DCAF8L2: variants seen among roughly 807,000 people sequenced by gnomAD.
DCAF8L2 encodes the protein DDB1 and CUL4 associated factor 8 like 2.
For synonymous variants in DCAF8L2, 200 were observed against 190.9 expected (o/e 1.05, Z -0.39); for missense variants, 430 against 490.7 (o/e 0.88, Z 1.17).
the DCAF8L2 span, among the ~76,000 whole-genome samples, chrX:27,469,373 G>A: frequency 9.0e-6 from 1 of 111,598 alleles, no homozygotes; most frequent in Non-Finnish European, 1.9e-5. Flanking sequence ...TTACCCTATA[G>A]CCATGTTGTA....
chrX:27,663,864 ATTTTT>A (rs80069253), intron 2 of DCAF8L2, among the ~76,000 whole-genome samples: 1 of 68,988 alleles, frequency 1.4e-5, no homozygotes, highest in Non-Finnish European at 2.7e-5. Flanking sequence ...CACCTGGCTA[ATTTTT>A]TTTTTTTTTT....
the DCAF8L2 span, among the ~76,000 whole-genome samples, chrX:27,489,283 G>T: frequency 2.7e-5 from 3 of 111,015 alleles, no homozygotes; most frequent in Non-Finnish European, 1.9e-5. Flanking sequence ...AGTTTTAATA[G>T]AGACGGGGTT....
At chrX:27,680,290 G>A (rs1382292426) in intron 3 of DCAF8L2, among the ~76,000 whole-genome samples, 3 of 110,957 alleles carry the variant, frequency 2.7e-5, no homozygotes, top group Non-Finnish European at 5.7e-5. Flanking sequence ...CAAGTCCCAA[G>A]GTAATAAAAC....
At chrX:27,746,792 T>G in intron 4 of DCAF8L2, 46 bp from the exon 5 acceptor site, 1 of 758,141 alleles carries the variant, frequency 1.3e-6, no homozygotes, top group African/African-American at 2.1e-5. Flanking sequence ...CGCGCTTACT[T>G]CCTTCACTAC....
chrX:27,599,181 C>T (rs766620488), intron 1 of DCAF8L2, among the ~76,000 whole-genome samples: 23 of 110,615 alleles, frequency 2.1e-4, no homozygotes, highest in Admixed American at 4.9e-4. Flanking sequence ...AAATATTATT[C>T]GTCCTTTAAA....
chrX:27,503,640 C>T, the DCAF8L2 span, among the ~76,000 whole-genome samples: 61 of 110,085 alleles, frequency 5.5e-4, no homozygotes, highest in African/African-American at 2.0e-3. Flanking sequence ...CTGTTTTGTT[C>T]CATTATCTAT....
chrX:27,540,943 C>A, the DCAF8L2 span, among the ~76,000 whole-genome samples: 42 of 111,539 alleles, frequency 3.8e-4, no homozygotes, highest in African/African-American at 1.3e-3. Context: ...TAAAGAATAT[C>A]CAGGACTATG....
chrX:27,489,942 A>G, the DCAF8L2 span, among the ~76,000 whole-genome samples: 4 of 111,628 alleles, frequency 3.6e-5, no homozygotes, highest in Non-Finnish European at 7.5e-5. Flanking sequence ...CAGTGGCACA[A>G]TCATAGCTCA....
At chrX:27,621,805 C>A (rs190226184) in intron 1 of DCAF8L2, among the ~76,000 whole-genome samples, 1 of 110,152 alleles carries the variant, frequency 9.1e-6, no homozygotes, top group African/African-American at 3.3e-5. Flanking sequence ...CAAGCCTGGG[C>A]AACACAGTGA....
chrX:27,529,437 T>G, the DCAF8L2 span, among the ~76,000 whole-genome samples: 1 of 111,809 alleles, frequency 8.9e-6, no homozygotes, highest in Non-Finnish European at 1.9e-5. Flanking sequence ...CTAATGAACT[T>G]ACAGCCCCAA....
intron 2 of DCAF8L2, chrX:27,633,399 T>G (rs1418916294): frequency 8.9e-6 from 1 of 112,123 alleles, no homozygotes; most frequent in Non-Finnish European, 1.9e-5. Flanking sequence ...GAATGTATAT[T>G]CAAAGCAATT....
intron 3 of DCAF8L2, among the ~76,000 whole-genome samples, chrX:27,713,799 A>C (rs921681792): frequency 9.0e-6 from 1 of 111,418 alleles, no homozygotes; most frequent in African/African-American, 3.3e-5. Context: ...ATGAAACTTG[A>C]TTTACTAACA....
At chrX:27,519,464 A>C in the DCAF8L2 span, 1 of 1,100,524 alleles carries the variant, frequency 9.1e-7, no homozygotes, top group Non-Finnish European at 1.3e-6. Context: ...AAGAAGAAAA[A>C]GGAAGAGGAA....
the DCAF8L2 span, among the ~76,000 whole-genome samples, chrX:27,478,677 T>C: frequency 8.9e-6 from 1 of 111,979 alleles, no homozygotes; most frequent in Admixed American, 9.5e-5. Context: ...TGCCAAGATA[T>C]ATAGAGAACT....
chrX:27,611,088 G>A (rs1441807911), intron 1 of DCAF8L2, among the ~76,000 whole-genome samples: 1 of 111,561 alleles, frequency 9.0e-6, no homozygotes, highest in African/African-American at 3.3e-5. Flanking sequence ...GCTTTGGACT[G>A]TCTGAACATT....
At chrX:27,516,445 ATCTC>A in the DCAF8L2 span, among the ~76,000 whole-genome samples, 7 of 75,440 alleles carry the variant, frequency 9.3e-5, no homozygotes, top group Non-Finnish European at 1.8e-4. Context: ...CAAGGTTAGC[ATCTC>A]TCTCTCACAC....
At chrX:27,527,716 A>ATC in the DCAF8L2 span, among the ~76,000 whole-genome samples, 1 of 108,503 alleles carries the variant, frequency 9.2e-6, no homozygotes, top group Admixed American at 9.9e-5. Flanking sequence ...CAGTGGCACG[A>ATC]TCTCAGCTCA....
chrX:27,739,969 G>C (rs998031094), intron 4 of DCAF8L2, among the ~76,000 whole-genome samples: 15 of 111,178 alleles, frequency 1.3e-4, no homozygotes, highest in Non-Finnish European at 2.6e-4. Context: ...CTCTCTGTGG[G>C]TTCACAGACG....
At chrX:27,592,417 G>GTTTTTT (rs1248208449) in intron 1 of DCAF8L2, among the ~76,000 whole-genome samples, 23 of 83,937 alleles carry the variant, frequency 2.7e-4, no homozygotes, top group South Asian at 5.9e-4. Context: ...GTTTGTTTTT[G>GTTTTTT]TTTTTTTTTT....
Sources: gnomAD v4.1 joint callset for allele counts (sites outside exome capture counted in the v4.1 genomes callset) on GRCh38, gnomAD v4.1.1 for gene constraint, MANE v1.5 for transcripts, NCBI Gene and HGNC (gene_info 2026-07-23, HGNC 2026-07-21) for gene names.